The following BTRC variants were observed in gnomAD, a reference collection of about 807,000 sequenced individuals.
BTRC encodes F-box/WD repeat-containing protein 1A.
A neutral mutation model predicts 85.5 loss-of-function variants in BTRC; 42 were observed. The observed-to-expected ratio is 0.49, with a 90% confidence interval of 0.38 to 0.64. BTRC has a LOEUF of 0.64. Ranked by LOEUF, BTRC falls within the 30% of genes least tolerant of loss-of-function variation. The probability of loss-of-function intolerance (pLI) is 0.00; values close to 1 mark genes in which losing one functional copy is unlikely to be tolerated. For synonymous variants in BTRC, 255 were observed against 263.3 expected (o/e 0.97, Z 0.30); for missense variants, 594 against 743.5 (o/e 0.80, Z 2.34).
Position 101,382,113 on chromosome 10 carries a change from G to A in BTRC, c.48+27885G>A, listed in dbSNP as rs373682757. On this transcript the variant is annotated intron_variant, in intron 1 of 14. Coordinates refer to ENST00000370187, the MANE Select transcript of BTRC (RefSeq NM_033637.4). ...TTCTTCTGCCTCAGCTTCCTGAGTA[G>A]CTGTTATTACAGGCACCTGCCACCA... Among the ~76,000 whole-genome samples the A allele has an allele frequency of 2.0e-4, 30 of 151,278 alleles. No individual in the cohort carries two copies. The East Asian group carries it at 5.5e-3, about 28-fold the overall frequency.
At chr10:101,488,501 C>T (rs968638318) in intron 4 of BTRC, among the ~76,000 whole-genome samples, 1 of 152,064 alleles carries the variant, frequency 6.6e-6, no homozygotes, top group Admixed American at 6.5e-5. Flanking sequence ...AAATTGTAAC[C>T]TTGTTAATCA....
intron 4 of BTRC, among the ~76,000 whole-genome samples, chr10:101,486,255 A>G (rs569136627): frequency 1.5e-4 from 23 of 152,292 alleles, no homozygotes; most frequent in African/African-American, 5.3e-4. Context: ...TAATGTAACA[A>G]TTTCCCAATA....
rs760088185 is a variant in BTRC at position 101,538,345 on chromosome 10, G to C, written c.1630G>C (p.Gly544Arg). 6.2e-7 allele frequency: 1 copy of C among 1,614,030 alleles called. No homozygotes were observed. Among genetic ancestry groups the C allele is most frequent in the South Asian group, 1.1e-5 (1 of 91,080 alleles). ...VAALDPRAPAGTLCLRTLVEH... is the reference protein window; with the variant it reads ...VAALDPRAPARTLCLRTLVEH... ...TGCTTTGGACCCCCGTGCTCCTGCA[G>C]GGACACTCTGTCTACGGACCCTTGT... The change falls in exon 13 of 15, where the codon GGG (glycine) becomes CGG (arginine). Residue 544 changes from glycine (G) to arginine (R), a missense_variant. Physicochemically the swap from Gly to Arg is moderately radical, Grantham distance 125. Around this residue, in one of 4 missense-constraint regions of BTRC, gnomAD observed 373 missense variants for 503.6 expected, o/e 0.74. Transcript: ENST00000370187.
At chr10:101,475,400 C>T (rs1033785194) in intron 3 of BTRC, among the ~76,000 whole-genome samples, 70 of 152,126 alleles carry the variant, frequency 4.6e-4, no homozygotes, top group African/African-American at 1.5e-3. Context: ...ATTAGCCGGC[C>T]GTGGTGGCAC....
chr10:101,455,217 ATT>A (rs34726129), intron 2 of BTRC, among the ~76,000 whole-genome samples: 8,903 of 141,176 alleles, frequency 0.063, 282 homozygotes, highest in Non-Finnish European at 0.076. Flanking sequence ...TGCCCAGCTA[ATT>A]TTTTTTTTTT....
At chr10:101,526,594 A>G (rs1381022108) in intron 6 of BTRC, among the ~76,000 whole-genome samples, 1 of 152,216 alleles carries the variant, frequency 6.6e-6, no homozygotes, top group African/African-American at 2.4e-5. Flanking sequence ...AGCCTGGCCA[A>G]CGTGGCGAAA....
intron 1 of BTRC, among the ~76,000 whole-genome samples, chr10:101,376,638 A>G (rs919050913): frequency 1.3e-5 from 2 of 152,150 alleles, no homozygotes; most frequent in Non-Finnish European, 1.5e-5. Flanking sequence ...TATCATCTTC[A>G]TTTATTTTAA....
intron 1 of BTRC, among the ~76,000 whole-genome samples, chr10:101,360,828 A>C (rs899593576): frequency 3.3e-5 from 5 of 151,904 alleles, no homozygotes; most frequent in African/African-American, 1.2e-4. Context: ...CCTACTTTCT[A>C]GCAGTATTTT....
intron 4 of BTRC, among the ~76,000 whole-genome samples, chr10:101,496,226 G>A (rs567033246): frequency 9.9e-5 from 15 of 152,046 alleles, no homozygotes; most frequent in Non-Finnish European, 2.2e-4. Flanking sequence ...TATACAATGA[G>A]TGTATTTGAA....
chr10:101,416,344 T>A (rs1258917843), intron 1 of BTRC, among the ~76,000 whole-genome samples: 14 of 152,230 alleles, frequency 9.2e-5, no homozygotes, highest in Admixed American at 9.2e-4. Context: ...TTGATCCCTT[T>A]GCTTTGAATG....
chr10:101,424,552 A>C (rs1944197922), intron 1 of BTRC, among the ~76,000 whole-genome samples: 1 of 152,196 alleles, frequency 6.6e-6, no homozygotes, highest in Admixed American at 6.5e-5. Flanking sequence ...TACTCCTAGA[A>C]GTTGACCAAC....
intron 1 of BTRC, among the ~76,000 whole-genome samples, chr10:101,423,016 G>A (rs1944147904): frequency 6.6e-6 from 1 of 151,948 alleles, no homozygotes; most frequent in Non-Finnish European, 1.5e-5. Flanking sequence ...AAAGTCATTG[G>A]TATTGATATT....
intron 1 of BTRC, among the ~76,000 whole-genome samples, chr10:101,399,556 T>G (rs1021945305): frequency 1.3e-5 from 2 of 152,202 alleles, no homozygotes; most frequent in African/African-American, 4.8e-5. Flanking sequence ...CTAGCTGTTG[T>G]TGCCCCACTG....
At chr10:101,467,231 T>C (rs1945398445) in intron 3 of BTRC, among the ~76,000 whole-genome samples, 1 of 151,248 alleles carries the variant, frequency 6.6e-6, no homozygotes. Context: ...CTTCCTTTAA[T>C]AGCTCTGTAA....
chr10:101,434,231 AT>A (rs772466975), intron 2 of BTRC, among the ~76,000 whole-genome samples: 127 of 152,332 alleles, frequency 8.3e-4, no homozygotes, highest in Non-Finnish European at 1.6e-3. Context: ...AGGGAAAGAT[AT>A]TTTAATACCA....
At chr10:101,378,423 G>C (rs549992049) in intron 1 of BTRC, among the ~76,000 whole-genome samples, 2 of 150,878 alleles carry the variant, frequency 1.3e-5, no homozygotes, top group Non-Finnish European at 3.0e-5. Flanking sequence ...ATGACTGTGA[G>C]TTTTACAGTT....
rs967303043 is a variant in BTRC at position 101,503,462 on chromosome 10, C to A, written c.325-18177C>A. On this transcript the variant is annotated intron_variant, in intron 4 of 14. Transcript: ENST00000370187. ...GAATCTGAGCAAGTTATTTTGATCA[C>A]CTGTGCTGAAAAAACAGATGCTGCA... Among the ~76,000 whole-genome samples, 7 of 152,222 alleles carry A rather than the reference C, an allele frequency of 4.6e-5. No individual in the cohort carries two copies. The East Asian group carries it at 1.2e-3, about 25-fold the overall frequency.
chr10:101,394,354 G>A (rs1943312025), intron 1 of BTRC, among the ~76,000 whole-genome samples: 1 of 152,144 alleles, frequency 6.6e-6, no homozygotes, highest in Non-Finnish European at 1.5e-5. Context: ...CTTGGAGGTT[G>A]GGGGACATGT....
At position 101,427,488 on chromosome 10, in the gene BTRC, C is replaced by T. The variant is rs372591426; in HGVS notation, c.49-2857C>T. 2.5e-4 allele frequency among the ~76,000 whole-genome samples: 32 copies of T among 127,736 alleles called. No homozygotes were observed. The South Asian group carries it at 7.9e-3, about 31-fold the overall frequency. The allele number at this position is 127,736 out of a possible 152,430, so 83.8% of individuals were successfully genotyped here. A position where few individuals can be genotyped will look rare whatever the true frequency, so the allele number is the denominator to read the frequency against. Reference sequence around the variant, plus strand: ...TTTTTTTTTTTTTTTTGAGACGGGTCCCTTCCTTCCTTCCTTCTTCTCTTT... The same window carrying T: ...TTTTTTTTTTTTTTTTGAGACGGGTTCCTTCCTTCCTTCCTTCTTCTCTTT... On this transcript the variant is annotated intron_variant, in intron 1 of 14. Transcript: ENST00000370187.
Sources: allele counts gnomAD v4.1 joint callset (sites outside exome capture counted in the v4.1 genomes callset), GRCh38; gene constraint gnomAD v4.1.1; regional missense constraint gnomAD v4.1.1; transcripts MANE v1.5; gene names NCBI Gene and HGNC (gene_info 2026-07-23, HGNC 2026-07-21).